Variants in EYS observed in about 807,000 individuals in gnomAD.
EYS encodes the protein EGF-like photoreceptor maintenance factor.
A neutral mutation model predicts 282.1 loss-of-function variants in EYS; 250 were observed. The observed-to-expected ratio is 0.89, with a 90% CI of 0.80 to 0.98. EYS has a LOEUF of 0.98. EYS is among the 50% of genes least tolerant of loss of function. The pLI is 0.00. For missense variants in EYS, 4,016 were observed against 3,709.0 expected (o/e 1.08, Z -2.15); for synonymous variants, 1,355 against 1,282.9 (o/e 1.06, Z -1.20).
At chr6:63,808,243 T>C (rs1179367608) in intron 36 of EYS, among the ~76,000 whole-genome samples, 1 of 152,096 alleles carries the variant, frequency 6.6e-6, no homozygotes, top group Non-Finnish European at 1.5e-5. Context: ...TGTTCTAGGG[T>C]GTGAAGACCA....
chr6:65,122,497 C>A (rs2150196761), intron 12 of EYS, among the ~76,000 whole-genome samples: 1 of 152,136 alleles, frequency 6.6e-6, no homozygotes, highest in East Asian at 1.9e-4. Context: ...AATTTGCAGT[C>A]TTATCTCAGC....
At chr6:65,004,758 T>C (rs549536575) in intron 13 of EYS, among the ~76,000 whole-genome samples, 1 of 147,810 alleles carries the variant, frequency 6.8e-6, no homozygotes, top group South Asian at 2.2e-4. Context: ...CAATTTATTC[T>C]CTATTCTCTT....
rs538357455 is a variant in EYS at position 65,521,170 on chromosome 6, C to A, written c.-332-25177G>T. Among the ~76,000 whole-genome samples, 608 of 152,190 alleles carry A rather than the reference C, an allele frequency of 4.0e-3. 6 individuals are homozygous for A. The highest frequency in any genetic ancestry group is 0.014 in the African/African-American group (574 of 41,536). On this transcript the variant is annotated intron_variant, in intron 2 of 42. Transcript: ENST00000503581. ...ATAATTAGATGCTGAGTAAAACTTT[C>A]ATTTTAGAGATGTAGAAATCATGAT...
chr6:65,629,277 C>T (rs999753992), intron 2 of EYS, among the ~76,000 whole-genome samples: 3 of 152,114 alleles, frequency 2.0e-5, no homozygotes, highest in African/African-American at 7.2e-5. Context: ...GACACACACA[C>T]AAAAGACTTG....
chr6:64,400,946 A>C (rs942417398), intron 28 of EYS, among the ~76,000 whole-genome samples: 3 of 152,042 alleles, frequency 2.0e-5, no homozygotes, highest in Non-Finnish European at 4.4e-5. Context: ...TGGAAGAAAA[A>C]TTTAGTGAGC....
At chr6:64,368,547 C>T (rs1210334084) in intron 29 of EYS, among the ~76,000 whole-genome samples, 1 of 151,996 alleles carries the variant, frequency 6.6e-6, no homozygotes, top group Admixed American at 6.6e-5. Flanking sequence ...TAAGTATTCT[C>T]TTTTCTCTGT....
intron 29 of EYS, among the ~76,000 whole-genome samples, chr6:64,363,136 A>G (rs780869659): frequency 3.2e-4 from 49 of 151,662 alleles, no homozygotes; most frequent in Non-Finnish European, 6.5e-4. Context: ...CTTTTCTTCA[A>G]TTCTTAACTG....
chr6:64,153,808 A>G (rs1170115444), intron 31 of EYS, among the ~76,000 whole-genome samples: 1 of 152,214 alleles, frequency 6.6e-6, no homozygotes, highest in East Asian at 1.9e-4. Context: ...CATGTTAGAA[A>G]AATCTTTACA....
intron 12 of EYS, among the ~76,000 whole-genome samples, chr6:65,283,478 T>A (rs1768278210): frequency 6.6e-6 from 1 of 152,040 alleles, no homozygotes; most frequent in South Asian, 2.1e-4. Context: ...TATTTGTTAA[T>A]AACATCTTTT....
At chr6:64,192,284 G>T (rs1485263459) in intron 31 of EYS, among the ~76,000 whole-genome samples, 1 of 151,940 alleles carries the variant, frequency 6.6e-6, no homozygotes, top group Non-Finnish European at 1.5e-5. Context: ...TGGGTTGCTT[G>T]TTCACTCTGA....
intron 2 of EYS, among the ~76,000 whole-genome samples, chr6:65,572,354 A>C (rs543912915): frequency 6.6e-6 from 1 of 152,254 alleles, no homozygotes; most frequent in African/African-American, 2.4e-5. Flanking sequence ...TAGATAGAGA[A>C]ACAGTTCTTT....
chr6:64,757,781 TGTGTGTTTTG>T (rs1327049738), intron 22 of EYS, among the ~76,000 whole-genome samples: 2 of 150,834 alleles, frequency 1.3e-5, no homozygotes, highest in Non-Finnish European at 3.0e-5. Flanking sequence ...TGTGTGTGTG[TGTGTGTTTTG>T]TTTGTTTGTT....
chr6:64,572,816 G>T (rs1280146639), intron 26 of EYS, among the ~76,000 whole-genome samples: 2 of 152,092 alleles, frequency 1.3e-5, no homozygotes, highest in African/African-American at 4.8e-5. Context: ...TAGACAGAAA[G>T]AATAAATATT....
chr6:64,972,667 C>A (rs910732358), intron 14 of EYS, among the ~76,000 whole-genome samples: 1 of 152,066 alleles, frequency 6.6e-6, no homozygotes, highest in South Asian at 2.1e-4. Context: ...TAGAGTAATG[C>A]ATATAATATA....
chr6:63,720,751 T>C lies in EYS; in HGVS notation c.9280A>G (p.Arg3094Gly). 1.3e-6 allele frequency: 2 copies of C among 1,550,416 alleles called. No individual in the cohort carries two copies. The highest frequency in any genetic ancestry group is 1.7e-6 in the Non-Finnish European group (2 of 1,146,320). Reference protein sequence around the residue: ...ICYLGGFEYGRKVNIVTQEIF... With the variant: ...ICYLGGFEYGGKVNIVTQEIF... Reference sequence around the variant, plus strand: ...TCTTGAGTAACGATATTTACCTTTCTACCATATTCAAAGCCCCCTAGATAA... The same window carrying C: ...TCTTGAGTAACGATATTTACCTTTCCACCATATTCAAAGCCCCCTAGATAA... The change falls in exon 43 of 43, where the codon AGA (arginine) becomes GGA (glycine). Residue 3094 changes from arginine (R) to glycine (G), a missense_variant. Coordinates refer to ENST00000503581, the MANE Select transcript of EYS (RefSeq NM_001142800.2).
chr6:65,291,442 T>C (rs1235090507), intron 12 of EYS, among the ~76,000 whole-genome samples: 3 of 151,502 alleles, frequency 2.0e-5, no homozygotes, highest in South Asian at 2.1e-4. Context: ...GTTAGGTACA[T>C]GCAGTTACAT....
At chr6:65,266,204 T>G (rs909044788) in intron 12 of EYS, among the ~76,000 whole-genome samples, 1 of 151,900 alleles carries the variant, frequency 6.6e-6, no homozygotes, top group Non-Finnish European at 1.5e-5. Context: ...ATGATATTCT[T>G]TACTATTCAT....
chr6:64,747,658 G>T (rs1294114806), intron 22 of EYS, among the ~76,000 whole-genome samples: 1 of 152,102 alleles, frequency 6.6e-6, no homozygotes, highest in Non-Finnish European at 1.5e-5. Context: ...GATTATAGGC[G>T]TGAGCCACCA....
chr6:64,299,288 C>T (rs1769145108), intron 30 of EYS, among the ~76,000 whole-genome samples: 1 of 152,182 alleles, frequency 6.6e-6, no homozygotes, highest in Non-Finnish European at 1.5e-5. Flanking sequence ...AACTCAAAGC[C>T]TTTGTCATTA....
Sources: allele counts gnomAD v4.1 joint callset (sites outside exome capture counted in the v4.1 genomes callset), GRCh38; gene constraint gnomAD v4.1.1; transcripts MANE v1.5; gene names NCBI Gene and HGNC (gene_info 2026-07-23, HGNC 2026-07-21).